Variants in HS6ST3 observed in about 807,000 individuals in gnomAD.
The protein encoded by HS6ST3 is heparan sulfate 6-O-sulfotransferase 3, also known as heparan-sulfate 6-O-sulfotransferase 3.
In HS6ST3, 12 loss-of-function variants were observed where a neutral mutation model predicts 36.7. The observed-to-expected ratio is 0.33, with a 90% CI of 0.21 to 0.53. The LOEUF (loss-of-function observed/expected upper bound fraction) is 0.53. Among genes scored for constraint, HS6ST3 ranks in the 20% least tolerant of loss-of-function variants. HS6ST3 has a pLI of 0.95. For missense variants in HS6ST3, 584 were observed against 640.9 expected (o/e 0.91, Z 0.96); for synonymous variants, 240 against 257.5 (o/e 0.93, Z 0.65).
At chr13:96,207,630 A>G (rs996890847) in intron 1 of HS6ST3, among the ~76,000 whole-genome samples, 3 of 152,208 alleles carry the variant, frequency 2.0e-5, no homozygotes, top group African/African-American at 4.8e-5. Flanking sequence ...CACATACACC[A>G]TGGAATACTA....
intron 1 of HS6ST3, among the ~76,000 whole-genome samples, chr13:96,129,270 T>C (rs2053965510): frequency 6.6e-6 from 1 of 152,172 alleles, no homozygotes; most frequent in South Asian, 2.1e-4. Flanking sequence ...GCCTGAGTGG[T>C]TTATTCTGGC....
intron 1 of HS6ST3, among the ~76,000 whole-genome samples, chr13:96,700,337 C>A (rs952911300): frequency 7.2e-5 from 11 of 152,072 alleles, no homozygotes; most frequent in Non-Finnish European, 2.9e-5. Flanking sequence ...ACCACGAGAA[C>A]AGCATGGGGG....
At chr13:96,425,126 A>G (rs892379120) in intron 1 of HS6ST3, among the ~76,000 whole-genome samples, 1 of 152,168 alleles carries the variant, frequency 6.6e-6, no homozygotes, top group Non-Finnish European at 1.5e-5. Flanking sequence ...TTCTATATGC[A>G]TGTAACTAAA....
chr13:96,493,080 T>C (rs962867001), intron 1 of HS6ST3, among the ~76,000 whole-genome samples: 7 of 152,222 alleles, frequency 4.6e-5, no homozygotes, highest in Admixed American at 1.3e-4. Flanking sequence ...CCCAAGGTCA[T>C]GTTTCTTGCT....
chr13:96,556,815 C>T (rs1017147947), intron 1 of HS6ST3, among the ~76,000 whole-genome samples: 3 of 152,112 alleles, frequency 2.0e-5, no homozygotes, highest in Non-Finnish European at 4.4e-5. Context: ...GTAGCCCAAG[C>T]ACGGGTGAGT....
intron 1 of HS6ST3, among the ~76,000 whole-genome samples, chr13:96,363,147 A>C (rs1212564300): frequency 2.0e-5 from 3 of 152,090 alleles, no homozygotes; most frequent in Non-Finnish European, 4.4e-5. Context: ...ACTCACACAC[A>C]CCACACACAC....
chr13:96,742,511 A>G (rs982559124), intron 1 of HS6ST3, among the ~76,000 whole-genome samples: 16 of 152,222 alleles, frequency 1.1e-4, no homozygotes, highest in Non-Finnish European at 2.1e-4. Flanking sequence ...AATGTTAACA[A>G]TAAATGTACT....
chr13:96,354,182 G>C (rs1419304373), intron 1 of HS6ST3, among the ~76,000 whole-genome samples: 1 of 152,192 alleles, frequency 6.6e-6, no homozygotes, highest in Non-Finnish European at 1.5e-5. Flanking sequence ...AACTATGCAT[G>C]TATTTATTAA....
At chr13:96,648,678 T>C (rs527732991) in intron 1 of HS6ST3, among the ~76,000 whole-genome samples, 2 of 151,922 alleles carry the variant, frequency 1.3e-5, no homozygotes, top group East Asian at 3.9e-4. Flanking sequence ...CAGGCCCCAG[T>C]CTGTGTTGTT....
intron 1 of HS6ST3, among the ~76,000 whole-genome samples, chr13:96,333,616 C>T (rs1217156429): frequency 3.9e-5 from 6 of 152,104 alleles, no homozygotes; most frequent in African/African-American, 4.8e-5. Flanking sequence ...AGGAGAAATA[C>T]ATAGGGGTGG....
chr13:96,501,338 A>T (rs906194031), intron 1 of HS6ST3, among the ~76,000 whole-genome samples: 2 of 152,176 alleles, frequency 1.3e-5, no homozygotes, highest in South Asian at 2.1e-4. Flanking sequence ...CACTACTGTA[A>T]TATACTTTTT....
chr13:96,516,792 A>G (rs1157896425), intron 1 of HS6ST3, among the ~76,000 whole-genome samples: 1 of 151,614 alleles, frequency 6.6e-6, no homozygotes, highest in Non-Finnish European at 1.5e-5. Context: ...TGCCACAACA[A>G]TGTAGTATAA....
At chr13:96,131,073 T>A (rs549060432) in intron 1 of HS6ST3, among the ~76,000 whole-genome samples, 1 of 152,300 alleles carries the variant, frequency 6.6e-6, no homozygotes, top group African/African-American at 2.4e-5. Context: ...GCAAGTGTAC[T>A]GTTTCTGATC....
intron 1 of HS6ST3, among the ~76,000 whole-genome samples, chr13:96,308,830 G>A (rs182509481): frequency 6.6e-6 from 1 of 152,028 alleles, no homozygotes; most frequent in African/African-American, 2.4e-5. Flanking sequence ...CTAGTGGTAC[G>A]CATGATATAG....
chr13:96,255,212 G>A (rs2054630883), intron 1 of HS6ST3, among the ~76,000 whole-genome samples: 2 of 152,156 alleles, frequency 1.3e-5, no homozygotes, highest in South Asian at 4.1e-4. Context: ...GCTGTGGGAC[G>A]TCCCCTATCT....
chr13:96,378,481 C>T (rs140827367), intron 1 of HS6ST3, among the ~76,000 whole-genome samples: 1 of 152,298 alleles, frequency 6.6e-6, no homozygotes, highest in Non-Finnish European at 1.5e-5. Context: ...ACTGTTCTAC[C>T]TGGTGACTTC....
At chr13:96,769,775 C>CGT (rs1471275630) in intron 1 of HS6ST3, among the ~76,000 whole-genome samples, 5 of 130,142 alleles carry the variant, frequency 3.8e-5, no homozygotes, top group African/African-American at 1.7e-4. Flanking sequence ...TGTGTGTGTG[C>CGT]GCACATATGT....
intron 1 of HS6ST3, among the ~76,000 whole-genome samples, chr13:96,402,499 A>T (rs149671982): frequency 6.6e-6 from 1 of 152,212 alleles, no homozygotes; most frequent in South Asian, 2.1e-4. Context: ...AACTGTATAC[A>T]TCTATGTACT....
At chr13:96,475,454 T>C (rs2055858763) in intron 1 of HS6ST3, among the ~76,000 whole-genome samples, 1 of 151,996 alleles carries the variant, frequency 6.6e-6, no homozygotes, top group African/African-American at 2.4e-5. Flanking sequence ...ATATATAATG[T>C]GTCCTTCAAG....
Sources: allele counts gnomAD v4.1 joint callset (sites outside exome capture counted in the v4.1 genomes callset), GRCh38; gene constraint gnomAD v4.1.1; transcripts MANE v1.5; gene names NCBI Gene and HGNC (gene_info 2026-07-23, HGNC 2026-07-21).